RPE65: variants seen among roughly 807,000 people sequenced by gnomAD.
The protein encoded by RPE65 is retinoid isomerohydrolase RPE65.
A neutral mutation model predicts 68.5 loss-of-function variants in RPE65; 58 were observed. The observed-to-expected ratio is 0.85, with a 90% CI of 0.69 to 1.05. The LOEUF (loss-of-function observed/expected upper bound fraction) is 1.05. Among genes scored for constraint, RPE65 ranks in the 50% least tolerant of loss-of-function variants. RPE65 has a pLI of 0.00. For missense variants in RPE65, 643 were observed against 629.9 expected (o/e 1.02, Z -0.22); for synonymous variants, 220 against 222.2 (o/e 0.99, Z 0.09).
intron 7 of RPE65, 42 bp downstream of exon 7, chr1:68,439,519 A>C (rs1275381457): frequency 6.2e-7 from 1 of 1,601,788 alleles, no homozygotes; most frequent in Non-Finnish European, 8.6e-7. Context: ...AAATCTTTAA[A>C]CTTGAGTTTT....
intron 5 of RPE65, among the ~76,000 whole-genome samples, chr1:68,443,220 A>G (rs1475308275): frequency 1.3e-5 from 2 of 152,244 alleles, no homozygotes; most frequent in African/African-American, 4.8e-5. Context: ...CCTTGACATT[A>G]ACTACTCTAG....
Position 68,429,562 on chromosome 1 carries a change from A to G in RPE65, c.*214T>C. ...GTTTTTCAGTTATGGCCTGTCTCAC[A>G]GAGGAAGTATGATTATCTAAATACG... On this transcript the variant is annotated 3_prime_UTR_variant, in exon 14 of 14. Transcript: ENST00000262340. 1 of 574,800 alleles carries G rather than the reference A, an allele frequency of 1.7e-6. No individual in the cohort carries two copies. The highest frequency in any genetic ancestry group is 3.1e-6 in the Non-Finnish European group (1 of 325,464). 35.6% of individuals were successfully genotyped at this position (574,800 alleles called of 1,614,324 possible).
intron 13 of RPE65, 94 bp from the exon 14 acceptor site, chr1:68,430,021 G>T: frequency 6.7e-7 from 1 of 1,490,034 alleles, no homozygotes; most frequent in South Asian, 1.2e-5. Flanking sequence ...GTATTACATT[G>T]ACAAATATAG....
At position 68,438,824 on chromosome 1, in the gene RPE65, T is replaced by C. The variant is rs867341126; in HGVS notation, c.998+118A>G. On this transcript the variant is annotated intron_variant, in intron 9 of 13. Transcript: ENST00000262340. ...CTGCTTTTCCAATTACATTTTTGAC[T>C]CTCACATAACTCTTGCTGTTTTAGA... The C allele has an allele frequency of 3.9e-6, 5 of 1,272,902 alleles. No individual in the cohort carries two copies. The Middle Eastern group carries it at 9.8e-4, about 250-fold the overall frequency. The allele number at this position is 1,272,902 out of a possible 1,614,324, so 78.9% of individuals were successfully genotyped here.
At position 68,436,041 on chromosome 1, in the gene RPE65, T is replaced by G. The variant is rs571152093; in HGVS notation, c.1128+2146A>C. On this transcript the variant is annotated intron_variant, in intron 10 of 13. Transcript: ENST00000262340. Reference sequence around the variant, plus strand: ...TTCCCTATTCTATAATTGGGTAATATTTCTTCAGGCCGTGATAACCATACA... The same window carrying G: ...TTCCCTATTCTATAATTGGGTAATAGTTCTTCAGGCCGTGATAACCATACA... 7.2e-4 allele frequency among the ~76,000 whole-genome samples: 110 copies of G among 152,370 alleles called. 1 individual carries two copies. In the Middle Eastern group the frequency reaches 0.01, roughly 14 times the overall value.
In RPE65 at chr1:68,438,296, T is replaced by A; in HGVS notation, c.1019A>T (p.Tyr340Phe). ...CWKGFEFVYNYLYLANLRENW... is the reference protein window; with the variant it reads ...CWKGFEFVYNFLYLANLRENW... ...CTCACGTAAATTGGCTAAATATAAGTAATTATAAACAAACTCAAATCTGCA... is the reference window on the plus strand; with the variant it reads ...CTCACGTAAATTGGCTAAATATAAGAAATTATAAACAAACTCAAATCTGCA... Residue 340 changes from tyrosine (Y) to phenylalanine (F), a missense_variant, in exon 10 of 14, where the codon TAC (tyrosine) becomes TTC (phenylalanine). Tyr to Phe is a conservative substitution (Grantham distance 22). Coordinates refer to ENST00000262340, the MANE Select transcript of RPE65 (RefSeq NM_000329.3). 6.2e-7 allele frequency: 1 copy of A among 1,613,542 alleles called. No individual in the cohort carries two copies. Among genetic ancestry groups the A allele is most frequent in the Non-Finnish European group, 8.5e-7 (1 of 1,179,822 alleles).
chr1:68,441,298 T>C (rs1435154820), intron 5 of RPE65, among the ~76,000 whole-genome samples: 1 of 152,238 alleles, frequency 6.6e-6, no homozygotes, highest in Non-Finnish European at 1.5e-5. Flanking sequence ...CCTGAAACCA[T>C]AAGTTTGAGT....
intron 2 of RPE65, among the ~76,000 whole-genome samples, 179 bp downstream of exon 2, chr1:68,448,445 G>A (rs1645957960): frequency 6.6e-6 from 1 of 152,118 alleles, no homozygotes; most frequent in Non-Finnish European, 1.5e-5. Flanking sequence ...TTCTGCATTA[G>A]AGAAATAAAG....
rs1015895028 is a variant in RPE65, at chr1:68,444,672, C to T, written c.354G>A (p.Arg118=). ...CTACTCCTCGAAAGTAAGAAAAAAA[C>T]CTGTAGAAACAAATGAATTTTTCAG... ...FPDPCKNIFS[R]FFSYFRGVEV... The change falls in exon 5 of 14, where the codon AGG becomes AGA. Residue 118 remains arginine (R), a splice_region_variant and synonymous_variant. Coordinates refer to ENST00000262340, the MANE Select transcript of RPE65 (RefSeq NM_000329.3). The T allele has an allele frequency of 6.2e-7, 1 of 1,614,078 alleles. No individual in the cohort carries two copies. The highest frequency in any genetic ancestry group is 8.5e-7 in the Non-Finnish European group (1 of 1,179,996).
chr1:68,432,080 C>T lies in RPE65; in HGVS notation c.1129-495G>A, dbSNP rs144337414. 1.6e-3 allele frequency among the ~76,000 whole-genome samples: 223 copies of T among 137,806 alleles called. 1 individual carries two copies. Among genetic ancestry groups the T allele is most frequent in the African/African-American group, 5.5e-3 (206 of 37,714 alleles). 90.4% of individuals were successfully genotyped at this position (137,806 alleles called of 152,430 possible). A position where few individuals can be genotyped will look rare whatever the true frequency, so the allele number is the denominator to read the frequency against. ...TGTTGACAAAAAGAAAAAAAAAAAA[C>T]GCTGGACCATATGTTTCCTAAGATC... On this transcript the variant is annotated intron_variant, in intron 10 of 13. Transcript: ENST00000262340.
rs905365719 is a variant in RPE65, at chr1:68,444,894, T to C, written c.246-11A>G. On this transcript the variant is annotated splice_polypyrimidine_tract_variant and intron_variant, in intron 3 of 13. Coordinates refer to ENST00000262340, the MANE Select transcript of RPE65 (RefSeq NM_000329.3). Reference sequence around the variant, plus strand: ...TCAGTGCGGATGAACCTGAAGGACATTGAAACATAGGGAAGAGTATAGACA... The same window carrying C: ...TCAGTGCGGATGAACCTGAAGGACACTGAAACATAGGGAAGAGTATAGACA... The C allele has an allele frequency of 1.9e-6, 3 of 1,612,718 alleles. No individual in the cohort carries two copies. The highest frequency in any genetic ancestry group is 2.7e-5 in the African/African-American group (2 of 74,990).
intron 13 of RPE65, 110 bp from the exon 14 acceptor site, chr1:68,430,037 C>T (rs1645815015): frequency 7.1e-7 from 1 of 1,403,882 alleles, no homozygotes; most frequent in Non-Finnish European, 9.7e-7. Context: ...TATAGAAAAC[C>T]ATATGACCTG....
rs1196428445 is a variant in RPE65 at position 68,440,933 on chromosome 1, G to A, written c.563C>T (p.Thr188Ile). ...TAHPHIENDG[T>I]VYNIGNCFGK... ...AAAGCAATTACCAATATTGTAAACG[G>A]TTCCATCATTTTCAATGTGGGGGTG... Residue 188 changes from threonine to isoleucine, a missense_variant, in exon 6 of 14, where the codon ACC becomes ATC. Physicochemically the swap from Thr to Ile is moderately conservative, Grantham distance 89. Coordinates refer to ENST00000262340, the MANE Select transcript of RPE65 (RefSeq NM_000329.3). 1.1e-5 allele frequency: 17 copies of A among 1,613,960 alleles called. No homozygotes were observed. The highest frequency in any genetic ancestry group is 2.2e-5 in the South Asian group (2 of 91,068).
intron 10 of RPE65, among the ~76,000 whole-genome samples, chr1:68,433,076 G>T (rs1386585262): frequency 6.6e-6 from 1 of 152,196 alleles, no homozygotes; most frequent in South Asian, 2.1e-4. Context: ...AGAAGTTCAA[G>T]TCTTGTCTTA....
At chr1:68,434,635 T>C (rs1053191450) in intron 10 of RPE65, among the ~76,000 whole-genome samples, 6 of 151,714 alleles carry the variant, frequency 4.0e-5, no homozygotes, top group African/African-American at 1.5e-4. Flanking sequence ...TCTATGTCTA[T>C]GTTTAATATA....
intron 10 of RPE65, among the ~76,000 whole-genome samples, chr1:68,432,108 T>C (rs1449254541): frequency 1.3e-5 from 2 of 151,624 alleles, no homozygotes. Context: ...CTAAGATCTC[T>C]TGTCACACAC....
Position 68,441,011 on chromosome 1 carries a change from A to G in RPE65, c.496-11T>C. On this transcript the variant is annotated splice_polypyrimidine_tract_variant and intron_variant, in intron 5 of 13. Coordinates refer to ENST00000262340, the MANE Select transcript of RPE65 (RefSeq NM_000329.3). ...GTTGCAAAGATCAACCTACGGAAGTAAAGTGAATGTCCTCCAGTTGAGAGA... is the reference window on the plus strand; with the variant it reads ...GTTGCAAAGATCAACCTACGGAAGTGAAGTGAATGTCCTCCAGTTGAGAGA... 6.2e-7 allele frequency: 1 copy of G among 1,613,744 alleles called. No homozygotes were observed. Among genetic ancestry groups the G allele is most frequent in the Non-Finnish European group, 8.5e-7 (1 of 1,179,750 alleles).
At chr1:68,438,523 A>G (rs1645876956) in intron 9 of RPE65, among the ~76,000 whole-genome samples, 1 of 152,162 alleles carries the variant, frequency 6.6e-6, no homozygotes, top group South Asian at 2.1e-4. Context: ...TTTAAGTAAC[A>G]GCAGCCTTGA....
At chr1:68,446,587 A>C (rs1571172083) in intron 3 of RPE65, 123 bp downstream of exon 3, 3 of 1,094,390 alleles carry the variant, frequency 2.7e-6, no homozygotes, top group South Asian at 2.6e-5. Flanking sequence ...GCCCAGGTAC[A>C]TTGTGAGAAG....
Sources: allele counts gnomAD v4.1 joint callset (sites outside exome capture counted in the v4.1 genomes callset), GRCh38; gene constraint gnomAD v4.1.1; transcripts MANE v1.5; gene names NCBI Gene and HGNC (gene_info 2026-07-23, HGNC 2026-07-21).